Variants in GPHN observed in about 807,000 individuals in gnomAD.
GPHN encodes the protein gephyrin.
In GPHN, 17 loss-of-function variants were observed where a neutral mutation model predicts 95.5. The ratio of observed to expected loss-of-function variants is 0.18; its 90% CI spans 0.12 to 0.27. The LOEUF (loss-of-function observed/expected upper bound fraction) is 0.27, where lower values mean the gene tolerates loss of function less well. GPHN is among the 10% of genes least tolerant of loss of function. The probability of loss-of-function intolerance (pLI) is 1.00; values close to 1 mark genes in which losing one functional copy is unlikely to be tolerated. For synonymous variants in GPHN, 320 were observed against 322.5 expected (o/e 0.99, Z 0.08); for missense variants, 660 against 978.1 (o/e 0.67, Z 4.34).
intron 10 of GPHN, among the ~76,000 whole-genome samples, chr14:67,026,628 CA>C (rs992315407): frequency 6.6e-6 from 1 of 151,922 alleles, no homozygotes; most frequent in African/African-American, 2.4e-5. Context: ...TTATAGCCCA[CA>C]TTTTTTTTTG....
At chr14:66,886,052 T>G (rs569855725) in intron 5 of GPHN, among the ~76,000 whole-genome samples, 13 of 152,162 alleles carry the variant, frequency 8.5e-5, no homozygotes, top group Non-Finnish European at 1.9e-4. Context: ...ACAACTATCT[T>G]AAAGATTCTC....
intron 1 of GPHN, among the ~76,000 whole-genome samples, chr14:66,616,883 T>G (rs2063061327): frequency 6.6e-6 from 1 of 152,090 alleles, no homozygotes; most frequent in African/African-American, 2.4e-5. Context: ...AATTTTTGTA[T>G]TTTTAGTAGA....
chr14:66,551,768 G>A (rs2140180910), intron 1 of GPHN, among the ~76,000 whole-genome samples: 1 of 152,316 alleles, frequency 6.6e-6, no homozygotes, highest in South Asian at 2.1e-4. Flanking sequence ...CATGGCCAGA[G>A]CAGGAGGAAG....
chr14:67,428,226 C>A, the GPHN span, among the ~76,000 whole-genome samples: 10 of 143,512 alleles, frequency 7.0e-5, no homozygotes, highest in East Asian at 1.9e-3. Context: ...GCTGACAATG[C>A]CTTTTTAGCC....
At chr14:67,112,715 C>T (rs964154368) in intron 15 of GPHN, among the ~76,000 whole-genome samples, 7 of 152,024 alleles carry the variant, frequency 4.6e-5, no homozygotes, top group Non-Finnish European at 1.0e-4. Flanking sequence ...TAACATAAAA[C>T]AATTTGTAAA....
chr14:67,176,961 C>A lies in GPHN; in HGVS notation c.2080-2617C>A, dbSNP rs544753953. 1.5e-3 allele frequency among the ~76,000 whole-genome samples: 221 copies of A among 152,248 alleles called. 1 individual carries two copies. Among genetic ancestry groups the A allele is most frequent in the Admixed American group, 3.3e-3 (51 of 15,290 alleles). On this transcript the variant is annotated intron_variant, in intron 21 of 22. Coordinates refer to ENST00000478722, the MANE Select transcript of GPHN (RefSeq NM_020806.5). ...TTTTTATTGCATCTGTTTGATTCTTCTCTCTTTTCTTCTTTGTTAGTCTTG... is the reference window on the plus strand; with the variant it reads ...TTTTTATTGCATCTGTTTGATTCTTATCTCTTTTCTTCTTTGTTAGTCTTG...
At chr14:66,948,600 C>A (rs2067897236) in intron 8 of GPHN, among the ~76,000 whole-genome samples, 1 of 152,192 alleles carries the variant, frequency 6.6e-6, no homozygotes, top group African/African-American at 2.4e-5. Context: ...AGCATGCTTT[C>A]ATTCAAGTCA....
chr14:67,538,898 C>T, the GPHN span, among the ~76,000 whole-genome samples: 1 of 152,310 alleles, frequency 6.6e-6, no homozygotes, highest in South Asian at 2.1e-4. Flanking sequence ...TAGGCAGACA[C>T]CAGTGACATA....
At chr14:67,139,232 A>AG (rs1555500662) in intron 17 of GPHN, among the ~76,000 whole-genome samples, 6 of 151,798 alleles carry the variant, frequency 4.0e-5, no homozygotes, top group South Asian at 2.1e-4. Flanking sequence ...CAAAAAAAAA[A>AG]AGAGAGAGAG....
At chr14:66,863,313 T>C (rs2063103499) in intron 4 of GPHN, among the ~76,000 whole-genome samples, 1 of 151,666 alleles carries the variant, frequency 6.6e-6, no homozygotes, top group Admixed American at 6.6e-5. Context: ...ATGAAAGAAA[T>C]TGCAGAGGAC....
chr14:67,509,854 A>G, the GPHN span, among the ~76,000 whole-genome samples: 3 of 152,108 alleles, frequency 2.0e-5, no homozygotes, highest in African/African-American at 7.2e-5. Context: ...GTCTCCATAT[A>G]AACAATTTTA....
At chr14:67,573,357 CAG>C in the GPHN span, 1 of 1,612,408 alleles carries the variant, frequency 6.2e-7, no homozygotes, top group Non-Finnish European at 8.5e-7. This position sits in a 1 kb window ranked among gnomAD's most constrained non-coding sequence, Gnocchi z 4.8. Context: ...TGTCCTGAGA[CAG>C]GGACAGATTA....
chr14:67,365,108 GCTC>G, the GPHN span: 2 of 1,240,662 alleles, frequency 1.6e-6, no homozygotes, highest in Admixed American at 3.0e-5. Context: ...AAAAAAAAAA[GCTC>G]CTTTTATACT....
chr14:67,042,179 T>C (rs1408908444), intron 10 of GPHN, among the ~76,000 whole-genome samples: 2 of 151,350 alleles, frequency 1.3e-5, no homozygotes, highest in Non-Finnish European at 3.0e-5. Context: ...GTTCACTCTT[T>C]TTAGTTTCTA....
the GPHN span, chr14:67,562,942 G>T: frequency 6.4e-7 from 1 of 1,562,080 alleles, no homozygotes; most frequent in South Asian, 1.2e-5. Context: ...CTAATGGCAA[G>T]AACACTGCTG....
At position 66,988,878 on chromosome 14, in the gene GPHN, T is replaced by C. The variant is rs148651193; in HGVS notation, c.963+23553T>C. Among the ~76,000 whole-genome samples the C allele has an allele frequency of 2.3e-3, 353 of 152,170 alleles. 5 individuals are homozygous for C. The highest frequency in any genetic ancestry group is 4.0e-3 in the Non-Finnish European group (273 of 67,914). The stretch of plus-strand genomic sequence containing the variant: ...GGGTTTCCAAGAAAGTTCCTGTGAA[T>C]CCTGGTATCCGATTTACTTCTCACA... On this transcript the variant is annotated intron_variant, in intron 9 of 22. Coordinates refer to ENST00000478722, the MANE Select transcript of GPHN (RefSeq NM_020806.5).
chr14:67,157,653 C>G (rs892779273), intron 18 of GPHN, among the ~76,000 whole-genome samples: 3 of 151,322 alleles, frequency 2.0e-5, no homozygotes, highest in South Asian at 2.1e-4. Flanking sequence ...GTGAAACGCT[C>G]TCTCTCCTAA....
At chr14:66,750,653 T>TA (rs1381399206) in intron 2 of GPHN, among the ~76,000 whole-genome samples, 1 of 151,986 alleles carries the variant, frequency 6.6e-6, no homozygotes, top group African/African-American at 2.4e-5. Context: ...AATTAAAGCT[T>TA]ACCAATGTTT....
At chr14:67,147,504 T>TTTTTG (rs60628008) in intron 18 of GPHN, among the ~76,000 whole-genome samples, 76,573 of 150,988 alleles carry the variant, frequency 0.51, 22,167 homozygotes, top group African/African-American at 0.8. Context: ...ACAGTAGGGT[T>TTTTTG]TTTTGTTTTG....
Sources: gnomAD v4.1 joint callset for allele counts (sites outside exome capture counted in the v4.1 genomes callset) on GRCh38, gnomAD v4.1.1 for gene constraint, Gnocchi (gnomAD v3.1) non-coding constraint, MANE v1.5 for transcripts, NCBI Gene and HGNC (gene_info 2026-07-23, HGNC 2026-07-21) for gene names.